The following ATP6AP1 variants were observed in gnomAD, a reference collection of about 807,000 sequenced individuals.
The protein encoded by ATP6AP1 is ATPase H+ transporting accessory protein 1.
Under a neutral mutation model 32.0 loss-of-function variants are expected in ATP6AP1, and 1 was observed. The observed-to-expected ratio is 0.03, with a 90% CI of 0.01 to 0.15. The LOEUF (loss-of-function observed/expected upper bound fraction) is 0.15, where lower values mean the gene tolerates loss of function less well. Ranked by LOEUF, ATP6AP1 falls within the 10% of genes least tolerant of loss-of-function variation. The pLI is 1.00. For missense variants in ATP6AP1, 297 were observed against 398.8 expected, an observed-to-expected ratio of 0.74 and a Z score of 2.17; for synonymous variants, 187 against 174.9, an observed-to-expected ratio of 1.07 and a Z score of -0.55.
chrX:154,431,733 G>C (rs1053854906), intron 2 of ATP6AP1, 97 bp from the exon 3 acceptor site: 2 of 788,582 alleles, frequency 2.5e-6, no homozygotes, highest in Admixed American at 4.7e-5. Flanking sequence ...GTGAGACTTT[G>C]CTGGCCCTGA....
intron 4 of ATP6AP1, 87 bp downstream of exon 4, chrX:154,432,546 T>G: frequency 9.4e-7 from 1 of 1,064,349 alleles, no homozygotes; most frequent in Non-Finnish European, 1.2e-6. Context: ...ACCGTTTGGC[T>G]AAAGATGCCA....
At chrX:154,430,840 GC>G (rs1378804607) in intron 2 of ATP6AP1, 1 of 110,961 alleles carries the variant, frequency 9.0e-6, no homozygotes, top group Non-Finnish European at 1.9e-5. Flanking sequence ...GGCGAGGTGT[GC>G]TCTTGGCCAG....
At chrX:154,434,509 G>A (rs1470738918) in intron 7 of ATP6AP1, 63 bp downstream of exon 7, 10 of 1,067,435 alleles carry the variant, frequency 9.4e-6, no homozygotes, top group African/African-American at 3.7e-5. Flanking sequence ...ACTGTGGGTC[G>A]CAGGTGGGGC....
chrX:154,432,675 T>C (rs1191430691), intron 4 of ATP6AP1, among the ~76,000 whole-genome samples: 1 of 112,196 alleles, frequency 8.9e-6, no homozygotes, highest in Admixed American at 9.4e-5. Context: ...CCTCCAGAGA[T>C]GAGGCAGATG....
chrX:154,435,658 G>A (rs1557197555), intron 9 of ATP6AP1, 24 bp from the exon 10 acceptor site: 1 of 1,208,731 alleles, frequency 8.3e-7, no homozygotes, highest in Non-Finnish European at 1.1e-6. Context: ...GGTCCTTTCT[G>A]ACCCGTGTCT....
chrX:154,432,531 G>A, intron 4 of ATP6AP1, 72 bp downstream of exon 4: 3 of 1,094,152 alleles, frequency 2.7e-6, no homozygotes, highest in Non-Finnish European at 3.6e-6. Flanking sequence ...ATGGCATGTG[G>A]TGGCACCGTT....
At chrX:154,431,975 C>T in intron 3 of ATP6AP1, 71 bp downstream of exon 3, 1 of 1,089,884 alleles carries the variant, frequency 9.2e-7, no homozygotes, top group Non-Finnish European at 1.3e-6. Context: ...AAGAACTGTA[C>T]TCTGACCTCA....
Position 154,432,426 on chromosome X carries a change from C to T in ATP6AP1, c.524C>T (p.Ala175Val), listed in dbSNP as rs1557196972. 1.3e-5 allele frequency: 16 copies of T among 1,198,205 alleles called. No homozygotes were observed. Among genetic ancestry groups the T allele is most frequent in the Admixed American group, 2.3e-5 (1 of 44,329 alleles). ...CTGAAGCTCAATGCCAGCCTCCCTG[C>T]TCTGCTGCTCATTCGCCTGCCCTAC... ...RELKLNASLP[A>V]LLLIRLPYTA... Residue 175 changes from alanine (A) to valine (V), a missense_variant, in exon 4 of 10, where the codon GCT (alanine) becomes GTT (valine). Around this residue, in one of 2 missense-constraint regions of ATP6AP1, gnomAD observed 155 missense variants for 253.8 expected, o/e 0.61. Coordinates refer to ENST00000369762, the MANE Select transcript of ATP6AP1 (RefSeq NM_001183.6).
rs2068719851 is a variant in ATP6AP1, at chrX:154,436,388, G to A, written c.*497G>A. 1 of 116,148 alleles carries A rather than the reference G, an allele frequency of 8.6e-6. No homozygotes were observed. Among genetic ancestry groups the A allele is most frequent in the African/African-American group, 3.3e-5 (1 of 30,721 alleles). 9.6% of individuals were successfully genotyped at this position (116,148 alleles called of 1,213,427 possible). On this transcript the variant is annotated 3_prime_UTR_variant, in exon 10 of 10. Coordinates refer to ENST00000369762, the MANE Select transcript of ATP6AP1 (RefSeq NM_001183.6). ...TTTATTTCTGTGGCCTGAGAAGGAA[G>A]GGACCTCCACGACAGGTGGGCTGGG...
Position 154,432,335 on chromosome X carries a change from A to T in ATP6AP1, c.433A>T (p.Thr145Ser). Residue 145 changes from threonine (T) to serine (S), a missense_variant, in exon 4 of 10, where the codon ACC becomes TCC. Thr to Ser is a moderately conservative substitution (Grantham distance 58). Transcript: ENST00000369762. ...CGACTGGTATGCAGTCAGCACTCTGACCACTTACCTGCAGGAGAAGCTCGG... is the reference window on the plus strand; with the variant it reads ...CGACTGGTATGCAGTCAGCACTCTGTCCACTTACCTGCAGGAGAAGCTCGG... ...AVDWYAVSTL[T>S]TYLQEKLGAS... 5 of 1,211,970 alleles carry T rather than the reference A, an allele frequency of 4.1e-6. No homozygotes were observed. The highest frequency in any genetic ancestry group is 5.6e-6 in the Non-Finnish European group (5 of 895,487).
chrX:154,434,525 G>A, intron 7 of ATP6AP1, 79 bp downstream of exon 7: 1 of 1,011,146 alleles, frequency 9.9e-7, no homozygotes, highest in East Asian at 3.0e-5. Context: ...GGGGCAGGGA[G>A]CCAGGGTCAG....
In ATP6AP1 at chrX:154,433,696, C is replaced by T; in HGVS notation, c.660C>T (p.Ala220=). 3 of 1,211,634 alleles carry T rather than the reference C, an allele frequency of 2.5e-6. No individual in the cohort carries two copies. The highest frequency in any genetic ancestry group is 2.2e-6 in the Non-Finnish European group (2 of 895,307). Residue 220 remains alanine (A), a synonymous_variant, in exon 6 of 10, where the codon GCC becomes GCT. Coordinates refer to ENST00000369762, the MANE Select transcript of ATP6AP1 (RefSeq NM_001183.6). Reference sequence around the variant, plus strand: ...CCGAAGATGTCCCATACACAGCGGCCCTCACAGCGGTCCGCCCTTCCAGGG... The same window carrying T: ...CCGAAGATGTCCCATACACAGCGGCTCTCACAGCGGTCCGCCCTTCCAGGG... The part of the protein sequence containing the change: ...LKSEDVPYTA[A]LTAVRPSRVA...
At chrX:154,433,612 C>G (rs2068705042) in intron 5 of ATP6AP1, 23 bp from the exon 6 acceptor site, 1 of 1,203,936 alleles carries the variant, frequency 8.3e-7, no homozygotes, top group Non-Finnish European at 1.1e-6. Flanking sequence ...ACCTGAGTCT[C>G]TGCTCTCCTT....
Position 154,435,917 on chromosome X carries a change from G to A in ATP6AP1, c.*26G>A, listed in dbSNP as rs782780837. On this transcript the variant is annotated 3_prime_UTR_variant, in exon 10 of 10. Coordinates refer to ENST00000369762, the MANE Select transcript of ATP6AP1 (RefSeq NM_001183.6). The stretch of plus-strand genomic sequence containing the variant: ...CCCTGTGCCAGTGGGGGGGTTGAGG[G>A]TGGGACGGTGTCCGTGTTGTTGCTT... 45 of 1,175,456 alleles carry A rather than the reference G, an allele frequency of 3.8e-5. No homozygotes were observed. In the South Asian group the frequency reaches 7.0e-4, roughly 18 times the overall value.
intron 4 of ATP6AP1, 76 bp from the exon 5 acceptor site, chrX:154,432,855 T>C (rs1557197056): frequency 3.6e-6 from 4 of 1,122,081 alleles, no homozygotes; most frequent in Non-Finnish European, 4.9e-6. Flanking sequence ...GAGGAGAAGC[T>C]GGGGTCGGGG....
chrX:154,429,093 C>T lies in ATP6AP1; in HGVS notation c.207C>T (p.Thr69=), dbSNP rs782021501. 11 of 1,210,160 alleles carry T rather than the reference C, an allele frequency of 9.1e-6. No individual in the cohort carries two copies. The highest frequency in any genetic ancestry group is 2.3e-4 in the Middle Eastern group (1 of 4,376). ...CCGACACTCATGAAGGCCACATCAC[C>T]AGCGACTTGCAGCTCTCTACCTACT... ...PAADTHEGHI[T]SDLQLSTYLD... Residue 69 remains threonine (T), a synonymous_variant, in exon 2 of 10, where the codon ACC becomes ACT. Coordinates refer to ENST00000369762, the MANE Select transcript of ATP6AP1 (RefSeq NM_001183.6).
chrX:154,435,625 C>T (rs1557197550), intron 9 of ATP6AP1, 57 bp from the exon 10 acceptor site: 1 of 1,185,551 alleles, frequency 8.4e-7, no homozygotes, highest in Non-Finnish European at 1.1e-6. Flanking sequence ...GCCCCTGTCC[C>T]AGTTCTTGCT....
chrX:154,433,835 G>A, intron 6 of ATP6AP1, 115 bp downstream of exon 6: 1 of 788,711 alleles, frequency 1.3e-6, no homozygotes, highest in Non-Finnish European at 1.8e-6. Flanking sequence ...CCCAGCATAG[G>A]GGAAGCATGA....
chrX:154,432,515 T>G, intron 4 of ATP6AP1, 56 bp downstream of exon 4: 1 of 1,113,936 alleles, frequency 9.0e-7, no homozygotes, highest in South Asian at 2.2e-5. Context: ...AGCAAGGCCC[T>G]GGGCTATGGC....
Sources: gnomAD v4.1 joint callset for allele counts (sites outside exome capture counted in the v4.1 genomes callset) on GRCh38, gnomAD v4.1.1 for gene constraint, gnomAD v4.1.1 regional missense constraint, MANE v1.5 for transcripts, NCBI Gene and HGNC (gene_info 2026-07-23, HGNC 2026-07-21) for gene names.